The following NFATC3 variants were observed in gnomAD, a reference collection of about 807,000 sequenced individuals.
NFATC3 encodes the protein nuclear factor of activated T cells 3, also known as nuclear factor of activated T-cells, cytoplasmic 3.
In NFATC3, 46 loss-of-function variants were observed where a neutral mutation model predicts 98.6. The ratio of observed to expected loss-of-function variants is 0.47; its 90% confidence interval spans 0.37 to 0.60. The LOEUF (loss-of-function observed/expected upper bound fraction) is 0.60, where lower values mean the gene tolerates loss of function less well. Ranked by LOEUF, NFATC3 falls within the 20% of genes least tolerant of loss-of-function variation. NFATC3 has a pLI of 0.00. For missense variants in NFATC3, 1,256 were observed against 1,295.5 expected (o/e 0.97, Z 0.47); for synonymous variants, 512 against 472.2 (o/e 1.08, Z -1.09).
At position 68,122,631 on chromosome 16, in the gene NFATC3, A is replaced by C; in HGVS notation, c.748A>C (p.Thr250Pro). The change falls in exon 2 of 10, where the codon ACT (threonine) becomes CCT (proline). Residue 250 changes from threonine to proline, a missense_variant. By Grantham distance (38) the Thr-to-Pro change is conservative. This residue lies in a region of NFATC3 where 464 missense variants were observed against 465.7 expected (regional missense o/e 1.00). Coordinates refer to ENST00000346183, the MANE Select transcript of NFATC3 (RefSeq NM_173165.3). ...TTGCCACTCTCCTAGATCCAGTGTC[A>C]CTGATGAGAATTGGCTGAGCCCCAG... The part of the protein sequence containing the change: ...SPCHSPRSSV[T>P]DENWLSPRPA... The C allele has an allele frequency of 6.2e-7, 1 of 1,614,130 alleles. No homozygotes were observed. Among genetic ancestry groups the C allele is most frequent in the Non-Finnish European group, 8.5e-7 (1 of 1,180,030 alleles).
intron 3 of NFATC3, among the ~76,000 whole-genome samples, chr16:68,145,149 T>G (rs1239420401): frequency 1.3e-5 from 2 of 151,522 alleles, no homozygotes; most frequent in African/African-American, 2.4e-5. Context: ...TTTTTTTTTT[T>G]TGTGATAGGG....
intron 4 of NFATC3, 145 bp downstream of exon 4, chr16:68,158,213 G>A (rs1301765357): frequency 1.2e-5 from 7 of 588,292 alleles, no homozygotes; most frequent in South Asian, 5.5e-5. Context: ...TTTTCTAAGA[G>A]TGGTAGCATA....
intron 3 of NFATC3, among the ~76,000 whole-genome samples, chr16:68,147,868 C>T (rs2038116099): frequency 6.6e-6 from 1 of 151,564 alleles, no homozygotes; most frequent in African/African-American, 2.4e-5. Context: ...CTGGATGAAT[C>T]TCACGTGGCA....
intron 3 of NFATC3, chr16:68,138,632 T>C: frequency 3.1e-6 from 4 of 1,289,094 alleles, no homozygotes; most frequent in Non-Finnish European, 4.0e-6. Flanking sequence ...TGGAAATTAC[T>C]ATCAATCATC....
intron 1 of NFATC3, among the ~76,000 whole-genome samples, chr16:68,104,633 C>T (rs1387878157): frequency 7.0e-6 from 1 of 143,314 alleles, no homozygotes; most frequent in Non-Finnish European, 1.5e-5. Flanking sequence ...ATGATGTTAG[C>T]TGTGGGCTTT....
chr16:68,169,487 A>G (rs909514066), intron 5 of NFATC3, among the ~76,000 whole-genome samples: 2 of 151,954 alleles, frequency 1.3e-5, no homozygotes, highest in African/African-American at 4.8e-5. Context: ...TCCTGGACTT[A>G]AGTGATCTGC....
chr16:68,215,430 C>T (rs920242013), intron 9 of NFATC3, among the ~76,000 whole-genome samples: 2 of 152,226 alleles, frequency 1.3e-5, no homozygotes, highest in African/African-American at 4.8e-5. Flanking sequence ...TGAGTCACAT[C>T]ACAGCCAAAC....
At chr16:68,148,808 GACC>G (rs2038170298) in intron 3 of NFATC3, among the ~76,000 whole-genome samples, 1 of 152,030 alleles carries the variant, frequency 6.6e-6, no homozygotes, top group Non-Finnish European at 1.5e-5. Context: ...AGGAGTTTGG[GACC>G]ACCTGGCCAA....
intron 9 of NFATC3, among the ~76,000 whole-genome samples, chr16:68,203,994 G>C (rs1224081443): frequency 6.6e-6 from 1 of 151,866 alleles, no homozygotes; most frequent in Non-Finnish European, 1.5e-5. Flanking sequence ...TTGACACCAG[G>C]CTAGCCAACA....
At chr16:68,179,600 G>C (rs1280017471) in intron 6 of NFATC3, among the ~76,000 whole-genome samples, 1 of 152,218 alleles carries the variant, frequency 6.6e-6, no homozygotes, top group Admixed American at 6.5e-5. Context: ...GTCACTGGGT[G>C]AATGCCCATG....
At position 68,183,383 on chromosome 16, in the gene NFATC3, T is replaced by A; in HGVS notation, c.2098+17T>A. The A allele has an allele frequency of 6.2e-7, 1 of 1,609,150 alleles. No individual in the cohort carries two copies. The highest frequency in any genetic ancestry group is 8.5e-7 in the Non-Finnish European group (1 of 1,179,680). The stretch of plus-strand genomic sequence containing the variant: ...ATACACCAGGTACGAGGAGTCATGA[T>A]GGTTTACTATAGAGCTTTCTTTCCT... On this transcript the variant is annotated intron_variant, in intron 8 of 9. Coordinates refer to ENST00000346183, the MANE Select transcript of NFATC3 (RefSeq NM_173165.3).
intron 6 of NFATC3, among the ~76,000 whole-genome samples, chr16:68,174,738 C>G (rs952380927): frequency 3.3e-5 from 5 of 152,206 alleles, no homozygotes; most frequent in Admixed American, 6.5e-5. Context: ...GTTCCAGCTA[C>G]TCAGAAGGCT....
At chr16:68,167,160 C>A in intron 5 of NFATC3, 145 bp downstream of exon 5, 2 of 801,150 alleles carry the variant, frequency 2.5e-6, no homozygotes, top group South Asian at 2.0e-5. Flanking sequence ...TGGAAATGAG[C>A]TAACATGTTT....
At position 68,191,581 on chromosome 16, in the gene NFATC3, C is replaced by A; in HGVS notation, c.2912C>A (p.Ser971Tyr). Residue 971 changes from serine (S) to tyrosine (Y), a missense_variant, in exon 9 of 10, where the codon TCT becomes TAT. By Grantham distance (144) the Ser-to-Tyr change is moderately radical (BLOSUM62 -2). Coordinates refer to ENST00000346183, the MANE Select transcript of NFATC3 (RefSeq NM_173165.3). ...SSPSPATRMH[S>Y]GQHSTQAQST... The stretch of plus-strand genomic sequence containing the variant: ...CCGTCTCCAGCCACCAGAATGCATT[C>A]TGGACAGCACTCAACTCAAGCACAA... 6.2e-7 allele frequency: 1 copy of A among 1,614,172 alleles called. No individual in the cohort carries two copies. The highest frequency in any genetic ancestry group is 8.5e-7 in the Non-Finnish European group (1 of 1,180,048).
At chr16:68,192,230 A>AATATATATAT (rs1555522048) in intron 9 of NFATC3, 15 of 82,578 alleles carry the variant, frequency 1.8e-4, no homozygotes, top group South Asian at 3.8e-4. Context: ...AAAAAAAAAA[A>AATATATATAT]ATATATATAT....
At chr16:68,106,405 C>T (rs2035657157) in intron 1 of NFATC3, among the ~76,000 whole-genome samples, 1 of 151,984 alleles carries the variant, frequency 6.6e-6, no homozygotes, top group Non-Finnish European at 1.5e-5. Context: ...GATTCACCTG[C>T]CTCAGCCTCC....
intron 9 of NFATC3, among the ~76,000 whole-genome samples, chr16:68,198,354 A>C (rs925906788): frequency 6.6e-6 from 1 of 152,096 alleles, no homozygotes; most frequent in Non-Finnish European, 1.5e-5. Context: ...AAAATATTCT[A>C]ATATAGCTCT....
intron 3 of NFATC3, among the ~76,000 whole-genome samples, chr16:68,153,025 T>C (rs1382663362): frequency 6.6e-6 from 1 of 152,210 alleles, no homozygotes; most frequent in East Asian, 1.9e-4. Context: ...TACATACTCA[T>C]CATGTCAAAA....
chr16:68,106,026 G>T (rs758606951), intron 1 of NFATC3, among the ~76,000 whole-genome samples: 20 of 151,722 alleles, frequency 1.3e-4, no homozygotes, highest in Non-Finnish European at 2.4e-4. Context: ...TTACCACCAC[G>T]CCAGGCTAAC....
Sources: allele counts gnomAD v4.1 joint callset (sites outside exome capture counted in the v4.1 genomes callset), GRCh38; gene constraint gnomAD v4.1.1; regional missense constraint gnomAD v4.1.1; transcripts MANE v1.5; gene names NCBI Gene and HGNC (gene_info 2026-07-23, HGNC 2026-07-21).